The following SUPT16H variants were observed in gnomAD, a reference collection of about 807,000 sequenced individuals.
SUPT16H encodes SPT16 homolog, facilitates chromatin remodeling subunit, also known as FACT complex subunit SPT16.
A neutral mutation model predicts 136.2 loss-of-function variants in SUPT16H; 24 were observed. The ratio of observed to expected loss-of-function variants is 0.18; its 90% CI spans 0.13 to 0.25. The LOEUF (loss-of-function observed/expected upper bound fraction) is 0.25. Among genes scored for constraint, SUPT16H ranks in the 10% least tolerant of loss-of-function variants. SUPT16H has a pLI of 1.00. For synonymous variants in SUPT16H, 415 were observed against 428.2 expected (o/e 0.97, Z 0.38); for missense variants, 623 against 1,270.2 (o/e 0.49, Z 7.74).
chr14:21,358,455 G>A (rs1345179638), intron 19 of SUPT16H, 28 bp from the exon 20 acceptor site: 14 of 1,510,842 alleles, frequency 9.3e-6, no homozygotes, highest in Non-Finnish European at 1.3e-5. Context: ...ATCAAATACA[G>A]CCATCACATT....
intron 2 of SUPT16H, chr14:21,372,357 G>A (rs1205110956): frequency 3.1e-6 from 1 of 323,538 alleles, no homozygotes; most frequent in Non-Finnish European, 5.8e-6. Flanking sequence ...TAGTGATACA[G>A]AAATGCATAA....
At chr14:21,371,426 C>T (rs1013957812) in intron 3 of SUPT16H, among the ~76,000 whole-genome samples, 8 of 152,064 alleles carry the variant, frequency 5.3e-5, no homozygotes, top group African/African-American at 1.9e-4. Context: ...TACAACTATC[C>T]TTTTTCTTCA....
intron 17 of SUPT16H, 84 bp downstream of exon 17, chr14:21,360,760 CTT>C: frequency 1.3e-6 from 2 of 1,540,144 alleles, no homozygotes; most frequent in South Asian, 1.3e-5. Flanking sequence ...GCGGATGGCT[CTT>C]TGTCATATTT....
chr14:21,372,236 A>G, intron 2 of SUPT16H, 192 bp from the exon 3 acceptor site: 1 of 563,598 alleles, frequency 1.8e-6, no homozygotes, highest in Non-Finnish European at 3.1e-6. Context: ...TTAGAACAGG[A>G]CAATGGGGTT....
At chr14:21,374,346 GTTCT>G (rs1184081916) in intron 1 of SUPT16H, among the ~76,000 whole-genome samples, 18 of 152,200 alleles carry the variant, frequency 1.2e-4, no homozygotes, top group Admixed American at 1.2e-3. Context: ...AGAGACGGGA[GTTCT>G]TTATTTTTTA....
At position 21,369,084 on chromosome 14, in the gene SUPT16H, A is replaced by G. The variant is rs1594305611; in HGVS notation, c.782+120T>C. 7.0e-6 allele frequency: 8 copies of G among 1,148,998 alleles called. No individual in the cohort carries two copies. The East Asian group carries it at 1.8e-4, about 25-fold the overall frequency. 71.2% of individuals were successfully genotyped at this position (1,148,998 alleles called of 1,614,324 possible). ...ACACCCAAGATAATGACTTGGTAAC[A>G]CTATACATTATATACTTGTAGCCAA... On this transcript the variant is annotated intron_variant, in intron 6 of 25. Coordinates refer to ENST00000216297, the MANE Select transcript of SUPT16H (RefSeq NM_007192.4).
intron 1 of SUPT16H, among the ~76,000 whole-genome samples, chr14:21,377,664 C>G (rs1028406021): frequency 4.6e-5 from 7 of 150,822 alleles, no homozygotes; most frequent in Admixed American, 4.0e-4. Context: ...CACTCTGTTG[C>G]CCAGGTTGGA....
At chr14:21,367,249 A>G (rs1261401129) in intron 7 of SUPT16H, among the ~76,000 whole-genome samples, 1 of 152,200 alleles carries the variant, frequency 6.6e-6, no homozygotes, top group Non-Finnish European at 1.5e-5. Flanking sequence ...ATTCTTAATC[A>G]TACTATTTGA....
chr14:21,383,593 G>A, intron 1 of SUPT16H: 2 of 700,768 alleles, frequency 2.9e-6, no homozygotes, highest in East Asian at 2.7e-5. Flanking sequence ...TCTAGGGCGG[G>A]AAGAGACTGC....
At position 21,357,055 on chromosome 14, in the gene SUPT16H, G is replaced by A. The variant is rs1049757869; in HGVS notation, c.2660+142C>T. 7.6e-6 allele frequency: 6 copies of A among 792,730 alleles called. No homozygotes were observed. The South Asian group carries it at 1.4e-4, about 18-fold the overall frequency. 49.1% of individuals were successfully genotyped at this position (792,730 alleles called of 1,614,324 possible). A position where few individuals can be genotyped will look rare whatever the true frequency, so the allele number is the denominator to read the frequency against. On this transcript the variant is annotated intron_variant, in intron 22 of 25. Coordinates refer to ENST00000216297, the MANE Select transcript of SUPT16H (RefSeq NM_007192.4). ...AGCTCCGTTATCTAATAGATCTCAA[G>A]TTTTCAAGTCCTGGTCTGTAACAAC...
At chr14:21,374,987 C>T (rs1216743969) in intron 1 of SUPT16H, among the ~76,000 whole-genome samples, 2 of 152,080 alleles carry the variant, frequency 1.3e-5, no homozygotes, top group African/African-American at 4.8e-5. Flanking sequence ...TTGATGACAG[C>T]CATATAATGA....
chr14:21,365,793 CA>C (rs57467633), intron 8 of SUPT16H, among the ~76,000 whole-genome samples: 5 of 150,400 alleles, frequency 3.3e-5, no homozygotes, highest in East Asian at 1.9e-4. Flanking sequence ...AAAACCAAAA[CA>C]AAAAAAAACC....
At chr14:21,357,399 A>C (rs1886457260) in intron 21 of SUPT16H, 33 bp from the exon 22 acceptor site, 1 of 1,524,132 alleles carries the variant, frequency 6.6e-7, no homozygotes, top group East Asian at 2.4e-5. Flanking sequence ...TTAGCATATA[A>C]GTATTTCCCC....
intron 18 of SUPT16H, 88 bp from the exon 19 acceptor site, chr14:21,359,697 A>G (rs1389180503): frequency 2.7e-6 from 4 of 1,489,900 alleles, no homozygotes; most frequent in Non-Finnish European, 3.6e-6. Context: ...TTGGGCCTCC[A>G]CAGCATGCAT....
intron 3 of SUPT16H, among the ~76,000 whole-genome samples, chr14:21,370,969 G>A (rs939509746): frequency 6.6e-6 from 1 of 152,048 alleles, no homozygotes; most frequent in African/African-American, 2.4e-5. Flanking sequence ...TAGAGATGGG[G>A]TTTTGTTATC....
chr14:21,364,724 C>G, intron 10 of SUPT16H, 103 bp downstream of exon 10: 1 of 939,058 alleles, frequency 1.1e-6, no homozygotes, highest in Non-Finnish European at 1.7e-6. Context: ...CGGATTCTTC[C>G]CCTTAGCTAG....
intron 23 of SUPT16H, among the ~76,000 whole-genome samples, chr14:21,354,051 G>A (rs568410121): frequency 3.3e-5 from 5 of 152,202 alleles, no homozygotes; most frequent in South Asian, 2.1e-4. Flanking sequence ...AAAAATTCAC[G>A]TTAGCCTTCC....
chr14:21,354,763 T>C, intron 22 of SUPT16H: 1 of 375,282 alleles, frequency 2.7e-6, no homozygotes, highest in East Asian at 6.9e-5. Context: ...GGCTAATTTT[T>C]ATATTTTTAG....
chr14:21,372,122 T>C (rs1461753403), intron 2 of SUPT16H, 78 bp from the exon 3 acceptor site: 8 of 1,439,720 alleles, frequency 5.6e-6, no homozygotes, highest in Admixed American at 2.4e-5. Context: ...ACAGAAATAC[T>C]TATAGACAAA....
Sources: allele counts gnomAD v4.1 joint callset (sites outside exome capture counted in the v4.1 genomes callset), GRCh38; gene constraint gnomAD v4.1.1; transcripts MANE v1.5; gene names NCBI Gene and HGNC (gene_info 2026-07-23, HGNC 2026-07-21).